Variants in ARPC1B observed in about 807,000 individuals in gnomAD.
ARPC1B encodes actin-related protein 2/3 complex subunit 1B.
ARPC1B carries 29 observed loss-of-function variants against 46.0 expected under a neutral mutation model. The observed-to-expected ratio is 0.63, with a 90% CI of 0.47 to 0.86. ARPC1B has a LOEUF of 0.86. Among genes scored for constraint, ARPC1B ranks in the 40% least tolerant of loss-of-function variants. The probability of loss-of-function intolerance (pLI) is 0.00; values close to 1 mark genes in which losing one functional copy is unlikely to be tolerated. For missense variants in ARPC1B, 469 were observed against 529.4 expected (o/e 0.89, Z 1.12); for synonymous variants, 201 against 213.9 (o/e 0.94, Z 0.53).
intron 1 of ARPC1B, among the ~76,000 whole-genome samples, chr7:99,377,116 A>T (rs1794050389): frequency 6.6e-6 from 1 of 151,784 alleles, no homozygotes; most frequent in Non-Finnish European, 1.5e-5. Flanking sequence ...GGCTCAAGGG[A>T]TCCTCCTGAG....
chr7:99,386,315 T>A, intron 2 of ARPC1B: 1 of 383,336 alleles, frequency 2.6e-6, no homozygotes, highest in South Asian at 2.1e-5. Context: ...TCGGAGGAGA[T>A]GACATTTTGA....
chr7:99,385,127 T>G (rs1794346559), intron 1 of ARPC1B, among the ~76,000 whole-genome samples: 1 of 151,754 alleles, frequency 6.6e-6, no homozygotes, highest in Non-Finnish European at 1.5e-5. Context: ...ACTAATTTTT[T>G]GTAGTTTTAG....
At chr7:99,374,662 C>G (rs1396460098), upstream of ARPC1B, 2 of 151,760 alleles carry the variant, frequency 1.3e-5, no homozygotes, top group African/African-American at 4.8e-5. The surrounding 1 kb of genome is among the most constrained non-coding windows in gnomAD (Gnocchi z 5.0). Flanking sequence ...CCGGGCCCTA[C>G]CGGGCTGAGG....
rs772754252 is a variant in ARPC1B at position 99,394,493 on chromosome 7, G to A, written c.*4G>A. 2 of 1,614,098 alleles carry A rather than the reference G, an allele frequency of 1.2e-6. No individual in the cohort carries two copies. Among genetic ancestry groups the A allele is most frequent in the South Asian group, 2.2e-5 (2 of 91,086 alleles). On this transcript the variant is annotated 3_prime_UTR_variant, in exon 10 of 10. Transcript: ENST00000646101. Reference sequence around the variant, plus strand: ...GAAGGACCTCAAGATCAAATGACCTGTGAGGAATATGTTGCCTTCATCCTA... The same window carrying A: ...GAAGGACCTCAAGATCAAATGACCTATGAGGAATATGTTGCCTTCATCCTA...
In ARPC1B at chr7:99,394,047, C is replaced by T. The variant is rs376347366; in HGVS notation, c.1008C>T (p.Ser336=). ...TTTGCAGCCAGATCTCGGTGCTCAG[C>T]GGCGGCAAGGCCAAGTGCTCGCAGT... The part of the protein sequence containing the change: ...KNSVSQISVL[S]GGKAKCSQFC... The change falls in exon 9 of 10, where the codon AGC becomes AGT. Residue 336 remains serine (S), a synonymous_variant. Transcript: ENST00000646101. The T allele has an allele frequency of 1.2e-6, 2 of 1,613,074 alleles. No homozygotes were observed. The highest frequency in any genetic ancestry group is 1.3e-5 in the African/African-American group (1 of 74,946).
At chr7:99,393,790 C>A (rs894317779) in intron 8 of ARPC1B, among the ~76,000 whole-genome samples, 1 of 152,182 alleles carries the variant, frequency 6.6e-6, no homozygotes, top group Non-Finnish European at 1.5e-5. Flanking sequence ...GCACTGTGTA[C>A]ACTCCGCAGA....
intron 4 of ARPC1B, chr7:99,389,157 G>C (rs1475062993): frequency 6.6e-6 from 1 of 151,106 alleles, no homozygotes; most frequent in African/African-American, 2.4e-5. Flanking sequence ...GGCTGGTCTT[G>C]AACTCCTGAC....
intron 1 of ARPC1B, among the ~76,000 whole-genome samples, chr7:99,381,212 C>T (rs960017817): frequency 1.3e-5 from 2 of 152,126 alleles, no homozygotes; most frequent in South Asian, 2.1e-4. Context: ...CAGTGGGTGC[C>T]GGGTGCTTGT....
At position 99,374,744 on chromosome 7, in the gene ARPC1B, G is replaced by C. The variant is rs1793981347; in HGVS notation, c.-51G>C. 1 of 152,070 alleles carries C rather than the reference G, an allele frequency of 6.6e-6. No individual in the cohort carries two copies. The highest frequency in any genetic ancestry group is 1.5e-5 in the Non-Finnish European group (1 of 68,018). The allele number at this position is 152,070 out of a possible 1,614,324, so 9.4% of individuals were successfully genotyped here. On this transcript the variant is annotated 5_prime_UTR_variant, in exon 1 of 10. Coordinates refer to ENST00000646101, the MANE Select transcript of ARPC1B (RefSeq NM_005720.4). This position sits in a 1 kb window ranked among gnomAD's most constrained non-coding sequence, Gnocchi z 5.0. The stretch of plus-strand genomic sequence containing the variant: ...GCGCGGAGCCCAGAGCCGGTTCGGC[G>C]CGTCGACTGCCCAGAGTCCGCGGCC...
In ARPC1B at chr7:99,394,092, T is replaced by C; in HGVS notation, c.1053T>C (p.Asp351=). Residue 351 remains aspartate, a synonymous_variant, in exon 9 of 10, where the codon GAT becomes GAC. Coordinates refer to ENST00000646101, the MANE Select transcript of ARPC1B (RefSeq NM_005720.4). The part of the protein sequence containing the change: ...KCSQFCTTGM[D]GGMSIWDVKS... ...CGCAGTTCTGCACCACTGGCATGGA[T>C]GGCGGCATGAGTATCTGGGATGTGA... is the stretch of plus-strand genomic sequence containing the variant. 2 of 1,613,718 alleles carry C rather than the reference T, an allele frequency of 1.2e-6. No homozygotes were observed. Among genetic ancestry groups the C allele is most frequent in the Non-Finnish European group, 1.7e-6 (2 of 1,180,030 alleles).
In ARPC1B at chr7:99,386,898, G is replaced by A. The variant is rs943975863; in HGVS notation, c.169+109G>A. On this transcript the variant is annotated intron_variant, in intron 3 of 9. Transcript: ENST00000646101. ...TGTGGAGCATCTGCCCACTCACCGT[G>A]AAACCCGGATTCAAACTGGCTTCAA... 7.3e-6 allele frequency: 6 copies of A among 817,758 alleles called. No individual in the cohort carries two copies. In the African/African-American group the frequency reaches 1.0e-4, roughly 14 times the overall value. The allele number at this position is 817,758 out of a possible 1,614,324, so 50.7% of individuals were successfully genotyped here.
At chr7:99,387,360 G>C (rs985216925) in intron 3 of ARPC1B, among the ~76,000 whole-genome samples, 5 of 152,214 alleles carry the variant, frequency 3.3e-5, no homozygotes, top group African/African-American at 1.2e-4. Context: ...CTTGAACCCA[G>C]GAGGCGGAGG....
chr7:99,380,818 G>T (rs1286244199), intron 1 of ARPC1B, among the ~76,000 whole-genome samples: 1 of 152,176 alleles, frequency 6.6e-6, no homozygotes, highest in Non-Finnish European at 1.5e-5. Context: ...ATCCCCGGAG[G>T]TTCCTTCAGT....
chr7:99,383,610 A>G (rs10155966), intron 1 of ARPC1B, among the ~76,000 whole-genome samples: 53,803 of 152,148 alleles, frequency 0.35, 16,192 homozygotes, highest in African/African-American at 0.82. Context: ...CGGACCGTGG[A>G]AGGTGCTGCA....
At chr7:99,390,069 A>G in intron 5 of ARPC1B, 57 bp downstream of exon 5, 1 of 1,496,132 alleles carries the variant, frequency 6.7e-7, no homozygotes, top group Non-Finnish European at 9.3e-7. Context: ...TGCTGACATC[A>G]TAGCGGGGAG....
intron 1 of ARPC1B, 136 bp from the exon 2 acceptor site, chr7:99,385,566 C>T: frequency 1.4e-6 from 1 of 720,608 alleles, no homozygotes; most frequent in Non-Finnish European, 2.3e-6. Context: ...CTGCTCCTCT[C>T]TGCAAACTGC....
At chr7:99,387,992 C>G in intron 3 of ARPC1B, 47 bp from the exon 4 acceptor site, 1 of 1,340,414 alleles carries the variant, frequency 7.5e-7, no homozygotes, top group Non-Finnish European at 1.1e-6. Context: ...ACAGCCACCT[C>G]TGCCTGAGTG....
intron 7 of ARPC1B, 147 bp downstream of exon 7, chr7:99,391,400 G>A (rs950758249): frequency 1.1e-6 from 1 of 885,006 alleles, no homozygotes; most frequent in Admixed American, 2.5e-5. Flanking sequence ...GGGCAGAACA[G>A]GTTGGGTTAT....
intron 2 of ARPC1B, chr7:99,386,411 T>TCAGC: frequency 1.8e-6 from 1 of 568,320 alleles, no homozygotes; most frequent in Non-Finnish European, 3.3e-6. Flanking sequence ...CCCTGAGGTG[T>TCAGC]CAGCAGGAGC....
Sources: gnomAD v4.1 joint callset for allele counts (sites outside exome capture counted in the v4.1 genomes callset) on GRCh38, gnomAD v4.1.1 for gene constraint, Gnocchi (gnomAD v3.1) non-coding constraint, MANE v1.5 for transcripts, NCBI Gene and HGNC (gene_info 2026-07-23, HGNC 2026-07-21) for gene names.